CCDC171: variants seen among roughly 807,000 people sequenced by gnomAD.
CCDC171 encodes the protein coiled-coil domain containing 171, also known as coiled-coil domain-containing protein 171.
A neutral mutation model predicts 168.2 loss-of-function variants in CCDC171; 177 were observed. The observed-to-expected ratio is 1.05, with a 90% CI of 0.93 to 1.19. The LOEUF is 1.19. Among genes scored for constraint, CCDC171 ranks in the 50% most tolerant of loss-of-function variants. The pLI, the probability that CCDC171 is intolerant of heterozygous loss-of-function variation, is 0.00. For synonymous variants in CCDC171, 687 were observed against 540.8 expected (o/e 1.27, Z -3.75); for missense variants, 1,991 against 1,539.0 (o/e 1.29, Z -4.91).
intron 16 of CCDC171, among the ~76,000 whole-genome samples, chr9:15,736,331 G>T (rs1324034717): frequency 6.6e-6 from 1 of 151,700 alleles, no homozygotes; most frequent in African/African-American, 2.4e-5. Flanking sequence ...TGATACCTCA[G>T]TTTCATATTT....
In CCDC171 at chr9:15,778,992, C is replaced by G. The variant is rs2057503695; in HGVS notation, c.2923C>G (p.Gln975Glu). 6.5e-7 allele frequency: 1 copy of G among 1,539,024 alleles called. No homozygotes were observed. Among genetic ancestry groups the G allele is most frequent in the Non-Finnish European group, 8.7e-7 (1 of 1,145,268 alleles). The change falls in exon 20 of 26, where the codon CAA becomes GAA. Residue 975 changes from glutamine to glutamate, a missense_variant. Coordinates refer to ENST00000380701, the MANE Select transcript of CCDC171 (RefSeq NM_173550.4). ...ITKSTASLQK[Q>E]ILGFTQRLHA... ...GAAAAGCACAGCATCGTTGCAGAAG[C>G]AAATACTTGGATTTACACAAAGACT... is the stretch of plus-strand genomic sequence containing the variant.
At chr9:15,953,954 G>A (rs1229492610) in intron 25 of CCDC171, among the ~76,000 whole-genome samples, 1 of 151,894 alleles carries the variant, frequency 6.6e-6, no homozygotes, top group African/African-American at 2.4e-5. Context: ...CATTCAATTT[G>A]TCGGTACAAT....
intron 6 of CCDC171, among the ~76,000 whole-genome samples, chr9:15,615,775 T>C (rs1331834868): frequency 1.5e-5 from 2 of 130,310 alleles, no homozygotes; most frequent in African/African-American, 2.8e-5. Flanking sequence ...GAATCACGTG[T>C]GATTTTTTTT....
intron 7 of CCDC171, among the ~76,000 whole-genome samples, chr9:15,644,813 G>C (rs574427257): frequency 5.3e-5 from 8 of 152,198 alleles, no homozygotes; most frequent in Non-Finnish European, 8.8e-5. Flanking sequence ...TCCACCTCTG[G>C]GGGCAGGGCA....
intron 6 of CCDC171, 108 bp downstream of exon 6, chr9:15,594,280 T>A: frequency 1.5e-6 from 1 of 669,970 alleles, no homozygotes; most frequent in Non-Finnish European, 2.4e-6. Context: ...TAATTTCTAG[T>A]TTTGATTCTG....
intron 23 of CCDC171, among the ~76,000 whole-genome samples, chr9:15,854,212 G>C (rs571344756): frequency 6.6e-6 from 1 of 151,274 alleles, no homozygotes; most frequent in African/African-American, 2.4e-5. Flanking sequence ...GAATTCATCA[G>C]TGAAACTTTC....
intron 23 of CCDC171, among the ~76,000 whole-genome samples, chr9:15,860,390 G>A (rs993488938): frequency 2.6e-5 from 4 of 150,994 alleles, no homozygotes; most frequent in Non-Finnish European, 5.9e-5. Flanking sequence ...TTTAATGTAG[G>A]TGTTTACTGC....
intron 21 of CCDC171, among the ~76,000 whole-genome samples, chr9:15,806,686 C>G (rs749843469): frequency 7.2e-5 from 11 of 152,006 alleles, no homozygotes; most frequent in Non-Finnish European, 1.2e-4. Flanking sequence ...CTTGGAAAAT[C>G]TGATGATTAT....
Position 15,657,222 on chromosome 9 carries a change from A to G in CCDC171, c.915+3A>G, listed in dbSNP as rs925811610. ...AATTTAATTCTGAAATTATTCAGGT[A>G]AAATGTAAACAAATATTTTGGCCTG... is the stretch of plus-strand genomic sequence containing the variant. On this transcript the variant is annotated splice_donor_region_variant and intron_variant, in intron 8 of 25. Coordinates refer to ENST00000380701, the MANE Select transcript of CCDC171 (RefSeq NM_173550.4). 6.3e-7 allele frequency: 1 copy of G among 1,578,970 alleles called. No homozygotes were observed. Among genetic ancestry groups the G allele is most frequent in the African/African-American group, 1.3e-5 (1 of 74,282 alleles).
At chr9:16,075,898 C>T in the CCDC171 span, among the ~76,000 whole-genome samples, 52 of 152,142 alleles carry the variant, frequency 3.4e-4, no homozygotes, top group Non-Finnish European at 6.6e-4. Flanking sequence ...CATAGCATAG[C>T]ATAGGTTGAA....
intron 7 of CCDC171, among the ~76,000 whole-genome samples, chr9:15,648,150 A>C (rs62573075): frequency 6.6e-6 from 1 of 152,178 alleles, no homozygotes; most frequent in African/African-American, 2.4e-5. Flanking sequence ...CAAAAATCAC[A>C]TGATTATCTG....
intron 24 of CCDC171, among the ~76,000 whole-genome samples, chr9:15,909,738 CAG>C (rs1823332168): frequency 6.6e-6 from 1 of 152,092 alleles, no homozygotes; most frequent in South Asian, 2.1e-4. Flanking sequence ...GCAACCATAT[CAG>C]AGTAACTTTT....
intron 21 of CCDC171, among the ~76,000 whole-genome samples, chr9:15,795,999 A>G (rs1200302391): frequency 6.6e-6 from 1 of 152,256 alleles, no homozygotes; most frequent in African/African-American, 2.4e-5. Context: ...TTATAAAAAA[A>G]TTCAATATTT....
At chr9:15,744,903 C>T (rs2055162848) in intron 17 of CCDC171, 126 bp downstream of exon 17, 1 of 872,260 alleles carries the variant, frequency 1.1e-6, no homozygotes, top group Non-Finnish European at 1.7e-6. Flanking sequence ...AACATAGTCT[C>T]CATATGTACG....
At chr9:16,000,981 G>C in intron 3 of CCDC171, among the ~76,000 whole-genome samples, 1 of 152,176 alleles carries the variant, frequency 6.6e-6, no homozygotes, top group Admixed American at 6.5e-5. Flanking sequence ...GTTTTGCACA[G>C]TCTGAAGATG....
In CCDC171 at chr9:15,585,659, G is replaced by A. The variant is rs567635860; in HGVS notation, c.353-5707G>A. On this transcript the variant is annotated intron_variant, in intron 4 of 25. Coordinates refer to ENST00000380701, the MANE Select transcript of CCDC171 (RefSeq NM_173550.4). ...GAAAGAAATGTTCTGTATTTTGATA[G>A]GTGTTTGGGTTACATGAATGTATTT... is the stretch of plus-strand genomic sequence containing the variant. 6.6e-5 allele frequency among the ~76,000 whole-genome samples: 10 copies of A among 152,252 alleles called. No individual in the cohort carries two copies. The South Asian group carries it at 1.9e-3, about 28-fold the overall frequency.
chr9:15,637,453 A>T (rs1056374807), intron 7 of CCDC171, among the ~76,000 whole-genome samples: 3 of 151,600 alleles, frequency 2.0e-5, no homozygotes, highest in Non-Finnish European at 2.9e-5. Context: ...ACTTTTTAAA[A>T]TTTTTTTGTT....
chr9:15,906,504 G>A (rs1822633469), intron 24 of CCDC171, among the ~76,000 whole-genome samples: 1 of 152,192 alleles, frequency 6.6e-6, no homozygotes, highest in Non-Finnish European at 1.5e-5. Context: ...AATAAGTTAG[G>A]TATTGATGGG....
intron 25 of CCDC171, among the ~76,000 whole-genome samples, chr9:15,963,188 C>T (rs1417826205): frequency 1.3e-5 from 2 of 151,746 alleles, no homozygotes; most frequent in East Asian, 3.9e-4. Context: ...TTGTGGGGTG[C>T]GGGGAGCAGG....
Sources: gnomAD v4.1 joint callset for allele counts (sites outside exome capture counted in the v4.1 genomes callset) on GRCh38, gnomAD v4.1.1 for gene constraint, MANE v1.5 for transcripts, NCBI Gene and HGNC (gene_info 2026-07-23, HGNC 2026-07-21) for gene names.